ACER3: variants seen among roughly 807,000 people sequenced by gnomAD.
ACER3 encodes alkCDase 3.
ACER3 carries 16 observed loss-of-function variants against 48.9 expected under a neutral mutation model. That is an observed-to-expected ratio of 0.33 (90% CI 0.22 to 0.50). The LOEUF is 0.50. Ranked by LOEUF, ACER3 falls within the 20% of genes least tolerant of loss-of-function variation. The probability of loss-of-function intolerance (pLI) is 0.98; values close to 1 mark genes in which losing one functional copy is unlikely to be tolerated. For synonymous variants in ACER3, 109 were observed against 107.8 expected (o/e 1.01, Z -0.07); for missense variants, 227 against 326.0 (o/e 0.70, Z 2.34).
At chr11:76,996,422 TATTATTA>T (rs745816656) in intron 6 of ACER3, among the ~76,000 whole-genome samples, 74 of 140,662 alleles carry the variant, frequency 5.3e-4, no homozygotes, top group South Asian at 6.5e-4. Flanking sequence ...TTATTATTAT[TATTATTA>T]TTTTTTGAGA....
chr11:76,983,447 C>T (rs1948626891), intron 4 of ACER3, among the ~76,000 whole-genome samples: 1 of 151,986 alleles, frequency 6.6e-6, no homozygotes, highest in South Asian at 2.1e-4. Context: ...TCTCAAGTAG[C>T]TGCGACTACA....
chr11:76,958,183 C>CT (rs10555039), intron 2 of ACER3, among the ~76,000 whole-genome samples: 32,150 of 125,808 alleles, frequency 0.26, 4,497 homozygotes, highest in Admixed American at 0.38. Flanking sequence ...TTATTAGCAA[C>CT]TTTTTTTTTT....
rs1555025300 is a variant in ACER3, at chr11:77,024,472, A to C, written c.*4145A>C. 1.3e-5 allele frequency: 2 copies of C among 152,128 alleles called. No individual in the cohort carries two copies. The highest frequency in any genetic ancestry group is 1.3e-4 in the Admixed American group (2 of 15,250). 9.4% of individuals were successfully genotyped at this position (152,128 alleles called of 1,614,324 possible). A position where few individuals can be genotyped will look rare whatever the true frequency, so the allele number is the denominator to read the frequency against. On this transcript the variant is annotated 3_prime_UTR_variant, in exon 11 of 11. Transcript: ENST00000532485. ...ATGGACACTTCTACACGTGAAATTC[A>C]AACTGAAGATAAAACTCTGACTTTG...
intron 1 of ACER3, among the ~76,000 whole-genome samples, chr11:76,869,271 T>A (rs1399130286): frequency 6.6e-6 from 1 of 152,232 alleles, no homozygotes; most frequent in Admixed American, 6.5e-5. Flanking sequence ...CACAGAAGTC[T>A]TCTGTGATGA....
At chr11:76,945,502 C>T (rs954754113) in intron 2 of ACER3, among the ~76,000 whole-genome samples, 1 of 152,076 alleles carries the variant, frequency 6.6e-6, no homozygotes, top group African/African-American at 2.4e-5. Context: ...CTGTTATTTC[C>T]TCTGTGGCTT....
intron 1 of ACER3, among the ~76,000 whole-genome samples, chr11:76,874,048 T>C (rs1945307030): frequency 6.6e-6 from 1 of 152,146 alleles, no homozygotes; most frequent in Admixed American, 6.5e-5. Context: ...TGAAGAAACA[T>C]TTTAAGACCC....
chr11:76,867,468 C>CAAAAAAAAAAA (rs1156610809), intron 1 of ACER3, among the ~76,000 whole-genome samples: 37 of 19,644 alleles, frequency 1.9e-3, no homozygotes, highest in African/African-American at 4.6e-3. Context: ...GACTCTGTCT[C>CAAAAAAAAAAA]AAAAAAAAAA....
chr11:76,982,309 C>T (rs1250735925), intron 4 of ACER3, among the ~76,000 whole-genome samples: 5 of 151,432 alleles, frequency 3.3e-5, no homozygotes, highest in African/African-American at 1.2e-4. Context: ...CTCTGCCTCC[C>T]GGGTTCAAGT....
rs555579139 is a variant in ACER3 at position 76,887,001 on chromosome 11, A to C, written c.103+25922A>C. Among the ~76,000 whole-genome samples, 149 of 152,308 alleles carry C rather than the reference A, an allele frequency of 9.8e-4. 1 individual carries two copies. The highest frequency in any genetic ancestry group is 1.5e-3 in the Non-Finnish European group (102 of 68,020). ...GGTTTAAGAACTTACTGTCGAGAAC[A>C]ATATATAAAGTTTAAGAATGACCAA... On this transcript the variant is annotated intron_variant, in intron 1 of 10. Transcript: ENST00000532485.
chr11:76,907,471 G>A (rs1209303929), intron 1 of ACER3, among the ~76,000 whole-genome samples: 1 of 152,112 alleles, frequency 6.6e-6, no homozygotes, highest in Non-Finnish European at 1.5e-5. Context: ...AAACTCATGG[G>A]CACATTAAGT....
chr11:76,876,456 G>A lies in ACER3; in HGVS notation c.103+15377G>A, dbSNP rs181943839. ...TACCAGTTTATTAACCCATTTTCCT[G>A]TTGATGGACACATGGCTGTTTTTAG... On this transcript the variant is annotated intron_variant, in intron 1 of 10. Coordinates refer to ENST00000532485, the MANE Select transcript of ACER3 (RefSeq NM_018367.7). Among the ~76,000 whole-genome samples, 263 of 152,274 alleles carry A rather than the reference G, an allele frequency of 1.7e-3. 2 individuals carry two copies. The highest frequency in any genetic ancestry group is 3.1e-3 in the Non-Finnish European group (213 of 68,028).
chr11:76,865,079 TC>T (rs1253431075), intron 1 of ACER3, among the ~76,000 whole-genome samples: 6 of 151,442 alleles, frequency 4.0e-5, no homozygotes, highest in Admixed American at 3.9e-4. Context: ...GCTCAAGTGA[TC>T]CTGCCACCTC....
chr11:77,000,834 A>G (rs1355375127), intron 7 of ACER3, among the ~76,000 whole-genome samples: 2 of 152,202 alleles, frequency 1.3e-5, no homozygotes, highest in Admixed American at 6.5e-5. Context: ...TCTTCAAATC[A>G]TACAGACTGA....
chr11:76,974,789 G>A (rs939298689), intron 3 of ACER3, among the ~76,000 whole-genome samples: 2 of 151,630 alleles, frequency 1.3e-5, no homozygotes, highest in Non-Finnish European at 2.9e-5. Context: ...AAAAAAAGGT[G>A]AATTTTATGG....
chr11:76,926,908 C>T (rs534423184), intron 2 of ACER3, among the ~76,000 whole-genome samples: 1 of 152,172 alleles, frequency 6.6e-6, no homozygotes, highest in African/African-American at 2.4e-5. Context: ...AACAAATATA[C>T]CCACACATCT....
At chr11:76,900,811 T>A (rs750822585) in intron 1 of ACER3, among the ~76,000 whole-genome samples, 6 of 152,248 alleles carry the variant, frequency 3.9e-5, no homozygotes, top group Non-Finnish European at 7.3e-5. Context: ...CTAATTCCTG[T>A]GATGTAGTAT....
chr11:76,871,462 G>A (rs1421337156), intron 1 of ACER3, among the ~76,000 whole-genome samples: 2 of 152,236 alleles, frequency 1.3e-5, no homozygotes, highest in Non-Finnish European at 1.5e-5. Context: ...ACTTGAAGTG[G>A]TGAGTAGGGG....
At chr11:76,898,951 C>T (rs1946010030) in intron 1 of ACER3, among the ~76,000 whole-genome samples, 1 of 147,984 alleles carries the variant, frequency 6.8e-6, no homozygotes, top group Non-Finnish European at 1.5e-5. Flanking sequence ...GGTGATCTTC[C>T]TACCACCAGA....
In ACER3 at chr11:76,960,390, A is replaced by C. The variant is rs1190253576; in HGVS notation, c.267+1359A>C. Reference sequence around the variant, plus strand: ...CGCCACTGCACTCCAGCCTGGCGACAGAGCAAGACTCTGTCTCAAATAATA... The same window carrying C: ...CGCCACTGCACTCCAGCCTGGCGACCGAGCAAGACTCTGTCTCAAATAATA... On this transcript the variant is annotated intron_variant, in intron 3 of 10. Transcript: ENST00000532485. Among the ~76,000 whole-genome samples, 4 of 151,952 alleles carry C rather than the reference A, an allele frequency of 2.6e-5. No individual in the cohort carries two copies. In the East Asian group the frequency reaches 7.7e-4, roughly 29 times the overall value.
Sources: allele counts gnomAD v4.1 joint callset (sites outside exome capture counted in the v4.1 genomes callset), GRCh38; gene constraint gnomAD v4.1.1; transcripts MANE v1.5; gene names NCBI Gene and HGNC (gene_info 2026-07-23, HGNC 2026-07-21).